Variants in CTBP2 observed in about 807,000 individuals in gnomAD.
CTBP2 encodes C-terminal-binding protein 2.
In CTBP2, 30 loss-of-function variants were observed where a neutral mutation model predicts 80.3. The observed-to-expected ratio is 0.37, with a 90% CI of 0.28 to 0.51. CTBP2 has a LOEUF of 0.51. CTBP2 is among the 20% of genes least tolerant of loss of function. CTBP2 has a pLI of 0.93. For synonymous variants in CTBP2, 594 were observed against 587.4 expected, an observed-to-expected ratio of 1.01 and a Z score of -0.16; for missense variants, 1,212 against 1,375.3, an observed-to-expected ratio of 0.88 and a Z score of 1.88.
chr10:124,984,665 T>G lies in CTBP2; in HGVS notation c.*4853A>C. The stretch of plus-strand genomic sequence containing the variant: ...AAAACCATGTGAAAAGTTGATTGCT[T>G]TGGCCTTTTCATGAGTTAGCATACC... On this transcript the variant is annotated 3_prime_UTR_variant, in exon 9 of 9. Transcript: ENST00000309035. 1 of 1,094,680 alleles carries G rather than the reference T, an allele frequency of 9.1e-7. No homozygotes were observed. The highest frequency in any genetic ancestry group is 1.3e-6 in the Non-Finnish European group (1 of 764,616). 67.8% of individuals were successfully genotyped at this position (1,094,680 alleles called of 1,614,324 possible).
At chr10:125,030,856 G>A (rs1480194230), upstream of CTBP2, among the ~76,000 whole-genome samples, 1 of 152,118 alleles carries the variant, frequency 6.6e-6, no homozygotes, top group Non-Finnish European at 1.5e-5. Context: ...CCCCAGGGGG[G>A]TCCTGCACCT....
intron 2 of CTBP2, among the ~76,000 whole-genome samples, chr10:125,045,302 T>C (rs1421400776): frequency 6.6e-6 from 1 of 152,154 alleles, no homozygotes; most frequent in Non-Finnish European, 1.5e-5. Flanking sequence ...AGCCACTCAG[T>C]CGATGGTATT....
In CTBP2 at chr10:124,998,036, C is replaced by T. The variant is rs74442958; in HGVS notation, c.2113G>A (p.Val705Met). 45 of 1,613,240 alleles carry T rather than the reference C, an allele frequency of 2.8e-5. No individual in the cohort carries two copies. The highest frequency in any genetic ancestry group is 7.7e-5 in the South Asian group (7 of 91,074). The change falls in exon 4 of 9, where the codon GTG (valine) becomes ATG (methionine). Residue 705 changes from valine (V) to methionine (M), a missense_variant. This residue lies in a region of CTBP2 where 335 missense variants were observed against 504.7 expected (regional missense o/e 0.66). Transcript: ENST00000309035. ...GAGGCCACCTCGCGGATCTGCTCCA[C>T]GCTCTGAACCCGCGTGCCTTCCCGC...
At chr10:125,067,474 T>C (rs902550629) in intron 2 of CTBP2, among the ~76,000 whole-genome samples, 4 of 152,166 alleles carry the variant, frequency 2.6e-5, no homozygotes, top group East Asian at 1.9e-4. Flanking sequence ...ATAAGGAAAC[T>C]AGGTGAGGAG....
intron 2 of CTBP2, among the ~76,000 whole-genome samples, chr10:125,039,944 T>C (rs975467925): frequency 6.6e-6 from 1 of 152,070 alleles, no homozygotes; most frequent in Non-Finnish European, 1.5e-5. Flanking sequence ...CCCATGTGGT[T>C]TGGGGTATGT....
intron 1 of CTBP2, among the ~76,000 whole-genome samples, chr10:125,013,539 A>G (rs1032772117): frequency 2.6e-5 from 4 of 152,196 alleles, no homozygotes; most frequent in African/African-American, 9.7e-5. Flanking sequence ...AAGGGATGGT[A>G]AACAGTTAGC....
chr10:125,013,783 C>A (rs1352042212), intron 1 of CTBP2, among the ~76,000 whole-genome samples: 4 of 152,156 alleles, frequency 2.6e-5, no homozygotes, highest in Non-Finnish European at 2.9e-5. Flanking sequence ...GCATGCAACC[C>A]CAGGGTCCAC....
chr10:125,095,368 C>G (rs1246822948), intron 2 of CTBP2, among the ~76,000 whole-genome samples: 2 of 152,214 alleles, frequency 1.3e-5, no homozygotes, highest in Non-Finnish European at 2.9e-5. Context: ...TACCACCAGG[C>G]TGCTCTGGAG....
intron 1 of CTBP2, among the ~76,000 whole-genome samples, chr10:125,112,174 G>A (rs530884232): frequency 4.7e-5 from 7 of 148,200 alleles, no homozygotes; most frequent in East Asian, 2.0e-4. Context: ...GTGCAATGGC[G>A]CGATCTCGGC....
At chr10:125,087,382 ACTT>A (rs1251698533) in intron 2 of CTBP2, among the ~76,000 whole-genome samples, 1 of 152,074 alleles carries the variant, frequency 6.6e-6, no homozygotes, top group Non-Finnish European at 1.5e-5. Context: ...AAGGGACATT[ACTT>A]CTTAAGTACA....
chr10:125,104,209 C>T (rs932899601), intron 2 of CTBP2, among the ~76,000 whole-genome samples: 4 of 152,144 alleles, frequency 2.6e-5, no homozygotes, highest in Admixed American at 6.5e-5. Flanking sequence ...GGAGAAAGGA[C>T]GGAACAGGAG....
chr10:125,055,971 C>T (rs1391993123), intron 2 of CTBP2, among the ~76,000 whole-genome samples: 2 of 152,038 alleles, frequency 1.3e-5, no homozygotes, highest in Non-Finnish European at 2.9e-5. Flanking sequence ...TCGAGACCAG[C>T]CTGGCCAACA....
At chr10:125,091,481 A>C (rs1479035375) in intron 2 of CTBP2, among the ~76,000 whole-genome samples, 1 of 152,206 alleles carries the variant, frequency 6.6e-6, no homozygotes, top group Non-Finnish European at 1.5e-5. Flanking sequence ...CCTATTTAAA[A>C]AGTAACATAG....
intron 1 of CTBP2, chr10:125,005,653 C>T (rs763061692): frequency 1.2e-5 from 20 of 1,612,898 alleles, no homozygotes; most frequent in Non-Finnish European, 1.4e-5. Flanking sequence ...ACGAGGAACC[C>T]GACACACATG....
At chr10:125,074,996 C>G (rs1337171307) in intron 2 of CTBP2, among the ~76,000 whole-genome samples, 2 of 152,140 alleles carry the variant, frequency 1.3e-5, no homozygotes, top group African/African-American at 4.8e-5. Flanking sequence ...CTAACTGACG[C>G]CAGGCAGACT....
rs145056604 is a variant in CTBP2 at position 125,048,002 on chromosome 10, G to A, written c.-101-8847C>T. ...TGCCTCAGAGAGGCCTGGAATCCTCGACTGATTTTATGGGGCCTCTACTGT... is the reference window on the plus strand; with the variant it reads ...TGCCTCAGAGAGGCCTGGAATCCTCAACTGATTTTATGGGGCCTCTACTGT... On this transcript the variant is annotated intron_variant, in intron 2 of 10. Transcript: ENST00000337195. Among the ~76,000 whole-genome samples, 14 of 152,242 alleles carry A rather than the reference G, an allele frequency of 9.2e-5. No individual in the cohort carries two copies. The East Asian group carries it at 2.5e-3, about 27-fold the overall frequency.
intron 1 of CTBP2, among the ~76,000 whole-genome samples, chr10:125,116,014 T>C (rs1375386934): frequency 6.6e-6 from 1 of 152,012 alleles, no homozygotes; most frequent in Non-Finnish European, 1.5e-5. Context: ...GACCTCAAAC[T>C]CCTGGATCCT....
chr10:125,150,980 T>G (rs1242126706), intron 1 of CTBP2, among the ~76,000 whole-genome samples: 1 of 151,070 alleles, frequency 6.6e-6, no homozygotes, highest in African/African-American at 2.4e-5. Context: ...CACAGCGCTG[T>G]CCTCGCAGAG....
chr10:125,122,235 A>C (rs993403970), intron 1 of CTBP2, among the ~76,000 whole-genome samples: 1 of 152,260 alleles, frequency 6.6e-6, no homozygotes, highest in Non-Finnish European at 1.5e-5. Context: ...TGCAGTTTGG[A>C]AAGAATGGAC....
Sources: allele counts gnomAD v4.1 joint callset (sites outside exome capture counted in the v4.1 genomes callset), GRCh38; gene constraint gnomAD v4.1.1; regional missense constraint gnomAD v4.1.1; transcripts MANE v1.5; gene names NCBI Gene and HGNC (gene_info 2026-07-23, HGNC 2026-07-21).